Variants in DNAJC10 observed in about 807,000 individuals in gnomAD.
DNAJC10 encodes endoplasmic reticulum disulfide reductase DNAJC10.
Under a neutral mutation model 115.0 loss-of-function variants are expected in DNAJC10, and 101 were observed. That is an observed-to-expected ratio of 0.88 (90% CI 0.75 to 1.04). The LOEUF is 1.04. Among genes scored for constraint, DNAJC10 ranks in the 50% least tolerant of loss-of-function variants. The probability of loss-of-function intolerance (pLI) is 0.00; values close to 1 mark genes in which losing one functional copy is unlikely to be tolerated. For missense variants in DNAJC10, 981 were observed against 928.8 expected, an observed-to-expected ratio of 1.06 and a Z score of -0.73; for synonymous variants, 307 against 301.5, an observed-to-expected ratio of 1.02 and a Z score of -0.19.
At chr2:182,769,170 G>A (rs545356927) in intron 22 of DNAJC10, among the ~76,000 whole-genome samples, 1 of 152,162 alleles carries the variant, frequency 6.6e-6, no homozygotes, top group South Asian at 2.1e-4. Flanking sequence ...CTTTTTTATG[G>A]CTGCATAGTA....
chr2:182,733,827 A>AGATAGATAGATAGATT (rs1354983574), intron 10 of DNAJC10, among the ~76,000 whole-genome samples: 89 of 144,018 alleles, frequency 6.2e-4, no homozygotes, highest in Non-Finnish European at 1.1e-3. Flanking sequence ...ATAGATAGAT[A>AGATAGATAGATAGATT]GATTTTCTAC....
intron 4 of DNAJC10, among the ~76,000 whole-genome samples, chr2:182,720,705 A>G (rs1693129439): frequency 6.6e-6 from 1 of 152,126 alleles, no homozygotes; most frequent in Non-Finnish European, 1.5e-5. Flanking sequence ...AATGTGTCCC[A>G]TTAGTAAGTG....
Position 182,763,649 on chromosome 2 carries a change from A to G in DNAJC10, c.2265+848A>G, listed in dbSNP as rs17356804. On this transcript the variant is annotated intron_variant, in intron 22 of 23. Transcript: ENST00000264065. Reference sequence around the variant, plus strand: ...TTCGGGATCAAGGAATTTCATTCTCATGCACAAATAACATACACACAGTGC... The same window carrying G: ...TTCGGGATCAAGGAATTTCATTCTCGTGCACAAATAACATACACACAGTGC... Among the ~76,000 whole-genome samples, 1,023 of 152,262 alleles carry G rather than the reference A, an allele frequency of 6.7e-3. 5 individuals are homozygous for G. The highest frequency in any genetic ancestry group is 0.014 in the Middle Eastern group (4 of 294).
rs574314822 is a variant in DNAJC10, at chr2:182,733,929, AT to A, written c.849+1394del. ...GCTATAAAATTGTACATAATATCCT[AT>A]TTTTTTATATCTGTAGTATCTATAG... On this transcript the variant is annotated intron_variant, in intron 10 of 23. Transcript: ENST00000264065. Among the ~76,000 whole-genome samples the A allele has an allele frequency of 2.6e-5, 4 of 151,220 alleles. No individual in the cohort carries two copies. The East Asian group carries it at 7.7e-4, about 29-fold the overall frequency.
At chr2:182,765,927 T>A (rs1694399818) in intron 22 of DNAJC10, among the ~76,000 whole-genome samples, 1 of 152,212 alleles carries the variant, frequency 6.6e-6, no homozygotes, top group South Asian at 2.1e-4. Flanking sequence ...AAATGACCAA[T>A]TGCATCTTTA....
At chr2:182,754,915 C>G in intron 16 of DNAJC10, 88 bp from the exon 17 acceptor site, 1 of 1,305,798 alleles carries the variant, frequency 7.7e-7, no homozygotes. Context: ...AAATCTTGTT[C>G]TTGTTACTTA....
intron 9 of DNAJC10, among the ~76,000 whole-genome samples, chr2:182,731,555 T>C (rs1255639600): frequency 6.6e-6 from 1 of 152,284 alleles, no homozygotes; most frequent in Non-Finnish European, 1.5e-5. Flanking sequence ...TCTAGGAACC[T>C]TTCCTTGAAT....
rs1694853994 is a variant in DNAJC10, at chr2:182,781,791, G to T, written c.*4659G>T. On this transcript the variant is annotated 3_prime_UTR_variant, in exon 24 of 24. Transcript: ENST00000264065. ...TGAGAAGTGTCTGTTCATATCCTTT[G>T]CCCACTTTTAATGGGATTTTTTTCT... 6.6e-6 allele frequency: 1 copy of T among 151,934 alleles called. No homozygotes were observed. Among genetic ancestry groups the T allele is most frequent in the African/African-American group, 2.4e-5 (1 of 41,362 alleles). The allele number at this position is 151,934 out of a possible 1,614,324, so 9.4% of individuals were successfully genotyped here.
intron 15 of DNAJC10, 140 bp downstream of exon 15, chr2:182,751,925 A>T: frequency 8.1e-7 from 1 of 1,236,728 alleles, no homozygotes; most frequent in Non-Finnish European, 1.1e-6. Flanking sequence ...TATTGCTTTT[A>T]AATGAGTGCT....
At chr2:182,734,028 A>T (rs1693522931) in intron 10 of DNAJC10, among the ~76,000 whole-genome samples, 1 of 149,170 alleles carries the variant, frequency 6.7e-6, no homozygotes, top group Non-Finnish European at 1.5e-5. Flanking sequence ...TATTCTGTCC[A>T]AGGAGAGGTT....
In DNAJC10 at chr2:182,739,670, A is replaced by G. The variant is rs1015090585; in HGVS notation, c.988-629A>G. On this transcript the variant is annotated intron_variant, in intron 11 of 23. Transcript: ENST00000264065. ...CCTTTTATACTCGTTTGTGTTTTAA[A>G]TAAGAGACTCGGGCCGAAAACAAGT... is the stretch of plus-strand genomic sequence containing the variant. 6 of 1,061,530 alleles carry G rather than the reference A, an allele frequency of 5.7e-6. No individual in the cohort carries two copies. The African/African-American group carries it at 1.0e-4, about 18-fold the overall frequency. 65.8% of individuals were successfully genotyped at this position (1,061,530 alleles called of 1,614,324 possible). A position where few individuals can be genotyped will look rare whatever the true frequency, so the allele number is the denominator to read the frequency against.
At chr2:182,744,492 T>C (rs907936347) in intron 14 of DNAJC10, among the ~76,000 whole-genome samples, 3 of 152,200 alleles carry the variant, frequency 2.0e-5, no homozygotes, top group African/African-American at 7.2e-5. Context: ...TTCTGCATAG[T>C]AGAGGTCAAG....
At chr2:182,761,184 G>GAT (rs574687638) in intron 21 of DNAJC10, among the ~76,000 whole-genome samples, 178 of 152,150 alleles carry the variant, frequency 1.2e-3, no homozygotes, top group African/African-American at 3.9e-3. Context: ...AGTAATACAA[G>GAT]ATAATTGCTA....
intron 14 of DNAJC10, among the ~76,000 whole-genome samples, chr2:182,750,237 G>T (rs1472403722): frequency 6.6e-6 from 1 of 152,178 alleles, no homozygotes; most frequent in African/African-American, 2.4e-5. Flanking sequence ...TAAGTGGACT[G>T]TGGTAGCAAT....
At chr2:182,774,879 C>T (rs1370699907) in intron 22 of DNAJC10, among the ~76,000 whole-genome samples, 1 of 152,242 alleles carries the variant, frequency 6.6e-6, no homozygotes, top group Non-Finnish European at 1.5e-5. Flanking sequence ...ACTGTCCAAC[C>T]AGTCCCAATG....
At chr2:182,769,580 T>C (rs1385965850) in intron 22 of DNAJC10, among the ~76,000 whole-genome samples, 3 of 152,250 alleles carry the variant, frequency 2.0e-5, no homozygotes, top group African/African-American at 4.8e-5. Flanking sequence ...TGACCAGTGA[T>C]GATGAGCATT....
intron 14 of DNAJC10, among the ~76,000 whole-genome samples, chr2:182,743,987 A>G (rs1256166746): frequency 2.0e-5 from 3 of 152,156 alleles, no homozygotes; most frequent in Non-Finnish European, 4.4e-5. Context: ...TTGTTTGCAA[A>G]AGTAAGCAAC....
rs1373183180 is a variant in DNAJC10 at position 182,792,214 on chromosome 2, T to G, written c.*15082T>G. 6.6e-6 allele frequency: 1 copy of G among 152,228 alleles called. No individual in the cohort carries two copies. Among genetic ancestry groups the G allele is most frequent in the Non-Finnish European group, 1.5e-5 (1 of 68,022 alleles). 9.4% of individuals were successfully genotyped at this position (152,228 alleles called of 1,614,324 possible). On this transcript the variant is annotated 3_prime_UTR_variant, in exon 24 of 24. Transcript: ENST00000264065. ...TACCATCAGTGAACAATTATTTTTT[T>G]ATCTCCATGCTATAATCTTGCACAA...
chr2:182,751,534 C>T, intron 14 of DNAJC10, 124 bp from the exon 15 acceptor site: 1 of 1,158,092 alleles, frequency 8.6e-7, no homozygotes, highest in Non-Finnish European at 1.2e-6. Flanking sequence ...ACACTAAAAC[C>T]TCACCAAAAT....
Sources: allele counts gnomAD v4.1 joint callset (sites outside exome capture counted in the v4.1 genomes callset), GRCh38; gene constraint gnomAD v4.1.1; transcripts MANE v1.5; gene names NCBI Gene and HGNC (gene_info 2026-07-23, HGNC 2026-07-21).